The following ASTN2 variants were observed in gnomAD, a reference collection of about 807,000 sequenced individuals.
ASTN2 encodes astrotactin-2.
Under a neutral mutation model 139.8 loss-of-function variants are expected in ASTN2, and 54 were observed. The ratio of observed to expected loss-of-function variants is 0.39; its 90% confidence interval spans 0.31 to 0.48. ASTN2 has a LOEUF of 0.48. Among genes scored for constraint, ASTN2 ranks in the 20% least tolerant of loss-of-function variants. The pLI, the probability that ASTN2 is intolerant of heterozygous loss-of-function variation, is 0.95. For synonymous variants in ASTN2, 756 were observed against 719.5 expected (o/e 1.05, Z -0.81); for missense variants, 1,565 against 1,725.1 (o/e 0.91, Z 1.64).
At chr9:116,774,416 A>T (rs970329588) in intron 13 of ASTN2, among the ~76,000 whole-genome samples, 2 of 152,214 alleles carry the variant, frequency 1.3e-5, no homozygotes, top group African/African-American at 4.8e-5. Context: ...AGTGGGTTGA[A>T]GATAGAAGCT....
At position 117,120,008 on chromosome 9, in the gene ASTN2, G is replaced by GTATA. The variant is rs1203112485; in HGVS notation, c.1168+21317_1168+21318insTATA. On this transcript the variant is annotated intron_variant, in intron 4 of 22. Transcript: ENST00000313400. Reference sequence around the variant, plus strand: ...TATTTGTATGTGTGTGTGTGTGTGTGTGTGTGTGTGTATATATATATATAT... The same window carrying GTATA: ...TATTTGTATGTGTGTGTGTGTGTGTGTATATGTGTGTGTGTATATATATATATAT... Among the ~76,000 whole-genome samples the GTATA allele has an allele frequency of 7.8e-3, 356 of 45,438 alleles. 1 individual carries two copies. Among genetic ancestry groups the GTATA allele is most frequent in the African/African-American group, 0.026 (337 of 13,088 alleles). The allele number at this position is 45,438 out of a possible 152,430, so 29.8% of individuals were successfully genotyped here. A position where few individuals can be genotyped will look rare whatever the true frequency, so the allele number is the denominator to read the frequency against.
chr9:116,954,951 A>G (rs546626717), intron 10 of ASTN2, among the ~76,000 whole-genome samples: 4 of 152,348 alleles, frequency 2.6e-5, no homozygotes, highest in Admixed American at 6.5e-5. Context: ...CCTCCAAGTA[A>G]TGGTTATATG....
At chr9:117,362,628 C>G (rs1829724517) in intron 1 of ASTN2, among the ~76,000 whole-genome samples, 1 of 152,130 alleles carries the variant, frequency 6.6e-6, no homozygotes, top group Admixed American at 6.5e-5. Flanking sequence ...GCAAGAGCTT[C>G]CTCTTGTAAT....
chr9:117,370,439 T>TG (rs1829960134), intron 1 of ASTN2, among the ~76,000 whole-genome samples: 1 of 152,150 alleles, frequency 6.6e-6, no homozygotes, highest in Non-Finnish European at 1.5e-5. Flanking sequence ...AAGAAGTATC[T>TG]GAAAAAGAAA....
chr9:117,180,737 C>T (rs369420620), intron 3 of ASTN2: 1 of 1,592,536 alleles, frequency 6.3e-7, no homozygotes, highest in Non-Finnish European at 8.5e-7. Flanking sequence ...TCCAGAGGGC[C>T]ACGACTGGGG....
At chr9:117,359,305 A>G (rs1829631826) in intron 1 of ASTN2, among the ~76,000 whole-genome samples, 1 of 152,196 alleles carries the variant, frequency 6.6e-6, no homozygotes, top group Admixed American at 6.5e-5. Context: ...AAAAGATTGT[A>G]GACATGACAC....
At chr9:117,206,611 C>T (rs961470804) in intron 3 of ASTN2, among the ~76,000 whole-genome samples, 8 of 152,196 alleles carry the variant, frequency 5.3e-5, no homozygotes, top group South Asian at 2.1e-4. Flanking sequence ...CAAGCCCACA[C>T]GGGTGGCTGA....
At chr9:116,720,090 A>G (rs1828430342) in intron 16 of ASTN2, among the ~76,000 whole-genome samples, 2 of 152,166 alleles carry the variant, frequency 1.3e-5, no homozygotes, top group African/African-American at 2.4e-5. Context: ...CTGTCCTCAA[A>G]GAAAAGGCGA....
At chr9:116,534,261 T>C (rs1851506014) in intron 19 of ASTN2, among the ~76,000 whole-genome samples, 1 of 152,182 alleles carries the variant, frequency 6.6e-6, no homozygotes, top group Non-Finnish European at 1.5e-5. Context: ...TTTTCTTCTT[T>C]ATGAGTCTTG....
chr9:116,784,599 T>A (rs543395648), intron 13 of ASTN2, among the ~76,000 whole-genome samples: 11 of 152,096 alleles, frequency 7.2e-5, no homozygotes, highest in Non-Finnish European at 1.6e-4. Flanking sequence ...AGCACTGTGA[T>A]ATGAATGGAG....
intron 10 of ASTN2, among the ~76,000 whole-genome samples, chr9:116,884,809 C>G (rs944205976): frequency 1.6e-5 from 2 of 122,296 alleles, no homozygotes; most frequent in Non-Finnish European, 3.3e-5. Flanking sequence ...ATCCGCCCCC[C>G]CCCCACCCAC....
At chr9:116,921,546 C>G (rs889479788) in intron 10 of ASTN2, among the ~76,000 whole-genome samples, 1 of 149,318 alleles carries the variant, frequency 6.7e-6, no homozygotes, top group African/African-American at 2.5e-5. Context: ...CGAGATTGGA[C>G]CACTGTACTC....
chr9:116,697,843 C>T, intron 16 of ASTN2: 1 of 1,614,162 alleles, frequency 6.2e-7, no homozygotes, highest in Non-Finnish European at 8.5e-7. Context: ...CAGCTGCGTC[C>T]CAAGCTTCTG....
rs77167552 is a variant in ASTN2, at chr9:117,258,903, T to C, written c.630+32423A>G. The stretch of plus-strand genomic sequence containing the variant: ...GTAGATCCTGAAGGGATAGGGATCG[T>C]CTATTTCACTTCTTGCCTAGAGTAG... On this transcript the variant is annotated intron_variant, in intron 2 of 22. Transcript: ENST00000313400. Among the ~76,000 whole-genome samples, 736 of 152,270 alleles carry C rather than the reference T, an allele frequency of 4.8e-3. 4 individuals are homozygous for C. Among genetic ancestry groups the C allele is most frequent in the Non-Finnish European group, 6.6e-3 (449 of 68,002 alleles).
intron 13 of ASTN2, among the ~76,000 whole-genome samples, chr9:116,768,161 ATTC>A (rs1829858586): frequency 6.6e-6 from 1 of 152,186 alleles, no homozygotes; most frequent in Non-Finnish European, 1.5e-5. Context: ...TTCTTGTTAA[ATTC>A]TTCTTTGAAA....
chr9:116,740,800 C>G (rs1006836812), intron 13 of ASTN2, among the ~76,000 whole-genome samples: 10 of 151,736 alleles, frequency 6.6e-5, no homozygotes, highest in South Asian at 4.2e-4. Context: ...AGGCGTGAAC[C>G]ACCGCGCCCG....
chr9:117,002,046 G>T (rs1030829377), intron 7 of ASTN2, among the ~76,000 whole-genome samples: 11 of 152,096 alleles, frequency 7.2e-5, no homozygotes, highest in African/African-American at 2.7e-4. Flanking sequence ...AATATATTTA[G>T]GGATCTTATG....
intron 16 of ASTN2, among the ~76,000 whole-genome samples, chr9:116,706,252 C>T (rs1827986011): frequency 6.6e-6 from 1 of 152,186 alleles, no homozygotes; most frequent in Non-Finnish European, 1.5e-5. Flanking sequence ...CCCTCAGAAG[C>T]CTACGCCAAA....
At chr9:116,907,681 G>C (rs1238212553) in intron 10 of ASTN2, among the ~76,000 whole-genome samples, 1 of 152,202 alleles carries the variant, frequency 6.6e-6, no homozygotes, top group African/African-American at 2.4e-5. Context: ...TGGCAGAAAG[G>C]GGCTATGTAA....
Sources: allele counts gnomAD v4.1 joint callset (sites outside exome capture counted in the v4.1 genomes callset), GRCh38; gene constraint gnomAD v4.1.1; transcripts MANE v1.5; gene names NCBI Gene and HGNC (gene_info 2026-07-23, HGNC 2026-07-21).